NECTIN3: variants seen among roughly 807,000 people sequenced by gnomAD.
NECTIN3 encodes the protein nectin-3.
Under a neutral mutation model 49.4 loss-of-function variants are expected in NECTIN3, and 8 were observed. The ratio of observed to expected loss-of-function variants is 0.16; its 90% CI spans 0.10 to 0.29. The LOEUF (loss-of-function observed/expected upper bound fraction) is 0.29, where lower values mean the gene tolerates loss of function less well. Among genes scored for constraint, NECTIN3 ranks in the 10% least tolerant of loss-of-function variants. The pLI is 1.00. For synonymous variants in NECTIN3, 277 were observed against 241.1 expected (o/e 1.15, Z -1.38); for missense variants, 581 against 654.6 (o/e 0.89, Z 1.23).
chr3:111,090,927 C>T (rs1158341832), intron 1 of NECTIN3, among the ~76,000 whole-genome samples: 4 of 141,224 alleles, frequency 2.8e-5, no homozygotes, highest in Admixed American at 2.8e-4. Context: ...GCCATTAGTG[C>T]TAGTGTGTGT....
intron 7 of NECTIN3, among the ~76,000 whole-genome samples, chr3:111,154,972 C>T (rs543474496): frequency 2.4e-4 from 36 of 152,104 alleles, no homozygotes; most frequent in Non-Finnish European, 4.4e-4. Context: ...AAGTCTTGCT[C>T]TGTTGCCAGA....
chr3:111,101,447 C>G (rs1056658714), intron 1 of NECTIN3, among the ~76,000 whole-genome samples: 4 of 151,984 alleles, frequency 2.6e-5, no homozygotes, highest in Admixed American at 1.3e-4. Context: ...TTTTCTATGC[C>G]TGTTATTCAC....
At chr3:111,076,975 C>CAAAA (rs200742608) in intron 1 of NECTIN3, among the ~76,000 whole-genome samples, 1 of 65,866 alleles carries the variant, frequency 1.5e-5, no homozygotes, top group African/African-American at 5.6e-5. Context: ...GACTCCGTCT[C>CAAAA]AAAAAAAAAA....
intron 1 of NECTIN3, among the ~76,000 whole-genome samples, chr3:111,101,586 A>G (rs1162117857): frequency 6.6e-6 from 1 of 152,162 alleles, no homozygotes; most frequent in Non-Finnish European, 1.5e-5. Flanking sequence ...TTGAACTTCT[A>G]TTCTAGAATT....
intron 2 of NECTIN3, among the ~76,000 whole-genome samples, chr3:111,117,436 G>A (rs1329807543): frequency 1.3e-5 from 2 of 152,010 alleles, no homozygotes; most frequent in African/African-American, 4.8e-5. Context: ...TGAGGTTCCA[G>A]TAATAATGTT....
At chr3:111,081,516 T>TC (rs1316202340) in intron 1 of NECTIN3, among the ~76,000 whole-genome samples, 1 of 152,234 alleles carries the variant, frequency 6.6e-6, no homozygotes, top group Admixed American at 6.5e-5. Context: ...AAATAATACT[T>TC]TCTTCACAGA....
At chr3:111,122,281 A>G in intron 4 of NECTIN3, 43 bp downstream of exon 4, 2 of 1,409,168 alleles carry the variant, frequency 1.4e-6, no homozygotes, top group South Asian at 1.2e-5. Flanking sequence ...TAAAAGTGAA[A>G]CCTTCTTAAA....
In NECTIN3 at chr3:111,090,284, A is replaced by G. The variant is rs138315890; in HGVS notation, c.160+18107A>G. ...CTTACATTTTGCTTTCTACTTGTCC[A>G]TACGTCCTTTGTTTTATTCATTTAT... On this transcript the variant is annotated intron_variant, in intron 1 of 5. Transcript: ENST00000485303. Among the ~76,000 whole-genome samples, 680 of 152,124 alleles carry G rather than the reference A, an allele frequency of 4.5e-3. 6 individuals are homozygous for G. Among genetic ancestry groups the G allele is most frequent in the African/African-American group, 0.015 (630 of 41,510 alleles).
chr3:111,073,769 G>A (rs1448479440), intron 1 of NECTIN3, among the ~76,000 whole-genome samples: 16 of 152,190 alleles, frequency 1.1e-4, no homozygotes, highest in Non-Finnish European at 7.3e-5. Flanking sequence ...ATCTAGTTAG[G>A]CAAAGCTCTG....
rs920687297 is a variant in NECTIN3, at chr3:111,136,168, T to G, written c.*1953T>G. The G allele has an allele frequency of 2.7e-5, 26 of 977,318 alleles. No individual in the cohort carries two copies. Among genetic ancestry groups the G allele is most frequent in the Non-Finnish European group, 3.2e-5 (26 of 822,858 alleles). 60.5% of individuals were successfully genotyped at this position (977,318 alleles called of 1,614,324 possible). A position where few individuals can be genotyped will look rare whatever the true frequency, so the allele number is the denominator to read the frequency against. The stretch of plus-strand genomic sequence containing the variant: ...TTTTTTAAAATCAAAATTTCATCTT[T>G]TAAAATAATGGTTTGAAATACTGTA... On this transcript the variant is annotated 3_prime_UTR_variant, in exon 6 of 6. Coordinates refer to ENST00000485303, the MANE Select transcript of NECTIN3 (RefSeq NM_015480.3).
chr3:111,193,133 G>A lies in NECTIN3; in HGVS notation c.63+720G>A, dbSNP rs1356437891. ...ACTGTAGTGAATTCTATTCTTGCCT[G>A]TTTTTACCAGTGCTAGAAAAATGCA... On this transcript the variant is annotated intron_variant, in intron 1 of 1. Transcript: ENST00000485506. 10 of 1,377,410 alleles carry A rather than the reference G, an allele frequency of 7.3e-6. No individual in the cohort carries two copies. In the Admixed American group the frequency reaches 1.0e-4, roughly 14 times the overall value. 85.3% of individuals were successfully genotyped at this position (1,377,410 alleles called of 1,614,324 possible). A position where few individuals can be genotyped will look rare whatever the true frequency, so the allele number is the denominator to read the frequency against.
intron 7 of NECTIN3, among the ~76,000 whole-genome samples, chr3:111,165,098 G>A (rs2035292686): frequency 6.6e-6 from 1 of 151,740 alleles, no homozygotes; most frequent in African/African-American, 2.4e-5. Context: ...CCAGGCTGGA[G>A]TGCCACTCAG....
intron 7 of NECTIN3, among the ~76,000 whole-genome samples, chr3:111,156,003 G>A (rs2035091094): frequency 6.6e-6 from 1 of 152,098 alleles, no homozygotes; most frequent in Non-Finnish European, 1.5e-5. Flanking sequence ...GAATGTCCAG[G>A]ATTGTCCTGA....
upstream of NECTIN3, among the ~76,000 whole-genome samples, chr3:111,188,539 A>G (rs544176970): frequency 5.9e-5 from 9 of 152,260 alleles, no homozygotes; most frequent in East Asian, 1.4e-3. Context: ...TTACTGTCAA[A>G]TTCACCACTT....
rs1460589284 is a variant in NECTIN3, at chr3:111,173,198, CA to C, written c.1222-19151del. 2.6e-5 allele frequency among the ~76,000 whole-genome samples: 4 copies of C among 152,320 alleles called. No homozygotes were observed. The East Asian group carries it at 7.7e-4, about 29-fold the overall frequency. On this transcript the variant is annotated intron_variant, in intron 7 of 8. Coordinates refer to the NECTIN3 transcript ENST00000493615. ...ATACAAGATGCTTCATCTCTGTGAA[CA>C]AGGAAGATCTATTTCTGAACCTGCA...
At chr3:111,073,945 G>A (rs78641745) in intron 1 of NECTIN3, among the ~76,000 whole-genome samples, 2 of 151,004 alleles carry the variant, frequency 1.3e-5, no homozygotes, top group African/African-American at 4.8e-5. Flanking sequence ...AGCATTGGAA[G>A]GACTTGATTT....
At chr3:111,114,151 T>C (rs1173053860) in intron 2 of NECTIN3, among the ~76,000 whole-genome samples, 1 of 152,182 alleles carries the variant, frequency 6.6e-6, no homozygotes, top group Non-Finnish European at 1.5e-5. Context: ...TTAGTCATTA[T>C]GTTGTCCACA....
chr3:111,129,742 G>A (rs186318697), intron 5 of NECTIN3, among the ~76,000 whole-genome samples: 373 of 151,454 alleles, frequency 2.5e-3, no homozygotes, highest in African/African-American at 8.3e-3. Context: ...TCTGCCTCCC[G>A]GATTCAAGCA....
chr3:111,151,240 C>T (rs1013714474), intron 7 of NECTIN3, among the ~76,000 whole-genome samples: 27 of 151,778 alleles, frequency 1.8e-4, no homozygotes, highest in Non-Finnish European at 3.5e-4. Flanking sequence ...ATATGCATTA[C>T]CTTATGTATT....
Sources: allele counts gnomAD v4.1 joint callset (sites outside exome capture counted in the v4.1 genomes callset), GRCh38; gene constraint gnomAD v4.1.1; transcripts MANE v1.5; gene names NCBI Gene and HGNC (gene_info 2026-07-23, HGNC 2026-07-21).